Variants in FXR1 observed in about 807,000 individuals in gnomAD.
FXR1 encodes FMR1 autosomal homolog 1.
A neutral mutation model predicts 84.0 loss-of-function variants in FXR1; 15 were observed. The observed-to-expected ratio is 0.18, with a 90% confidence interval of 0.12 to 0.27. The LOEUF is 0.27. Ranked by LOEUF, FXR1 falls within the 10% of genes least tolerant of loss-of-function variation. The pLI is 1.00. For missense variants in FXR1, 480 were observed against 774.4 expected, an observed-to-expected ratio of 0.62 and a Z score of 4.51; for synonymous variants, 245 against 250.7, an observed-to-expected ratio of 0.98 and a Z score of 0.21.
chr3:180,958,048 G>A, intron 10 of FXR1, 120 bp downstream of exon 10: 1 of 452,924 alleles, frequency 2.2e-6, no homozygotes, highest in African/African-American at 2.0e-5. Context: ...TTAAAATTAT[G>A]TTTTTATAAT....
At chr3:180,953,615 T>C in intron 8 of FXR1, 147 bp from the exon 9 acceptor site, 1 of 507,774 alleles carries the variant, frequency 2.0e-6, no homozygotes, top group Non-Finnish European at 3.5e-6. Flanking sequence ...TCACTTCACC[T>C]GAAATCTCTC....
chr3:180,976,517 T>C lies in FXR1; in HGVS notation c.*225T>C, dbSNP rs535875968. On this transcript the variant is annotated 3_prime_UTR_variant, in exon 17 of 17. Transcript: ENST00000357559. The stretch of plus-strand genomic sequence containing the variant: ...CATCAGATGTGCCTTGAGAATAGTA[T>C]ATGTAACATTAAAAAAAAGTTGCTG... The C allele has an allele frequency of 3.5e-6, 1 of 288,836 alleles. No homozygotes were observed. Among genetic ancestry groups the C allele is most frequent in the Non-Finnish European group, 6.4e-6 (1 of 155,638 alleles). 17.9% of individuals were successfully genotyped at this position (288,836 alleles called of 1,614,324 possible). A position where few individuals can be genotyped will look rare whatever the true frequency, so the allele number is the denominator to read the frequency against.
intron 1 of FXR1, among the ~76,000 whole-genome samples, chr3:180,917,896 G>A (rs1012472207): frequency 6.4e-5 from 9 of 140,210 alleles, no homozygotes; most frequent in African/African-American, 1.9e-4. Flanking sequence ...GCAGTGAGCC[G>A]AGATCATGCC....
In FXR1 at chr3:180,963,092, TA is replaced by T. The variant is rs371989214; in HGVS notation, c.1198+11del. 850 of 1,352,332 alleles carry T rather than the reference TA, an allele frequency of 6.3e-4. No individual in the cohort carries two copies. Among genetic ancestry groups the T allele is most frequent in the Non-Finnish European group, 7.5e-4 (729 of 972,524 alleles). 83.8% of individuals were successfully genotyped at this position (1,352,332 alleles called of 1,614,324 possible). ...GACCTAATTACACCTCCGGTTATGG[TA>T]AAAAAAAATTTTTTTTTTTTTTTTT... is the stretch of plus-strand genomic sequence containing the variant. On this transcript the variant is annotated splice_donor_region_variant and intron_variant, in intron 13 of 16. Coordinates refer to ENST00000357559, the MANE Select transcript of FXR1 (RefSeq NM_005087.4).
In FXR1 at chr3:180,979,829, A is replaced by T. The variant is rs1047289700; in HGVS notation, c.*3537A>T. ...TGGTTCAGTCTAATTACAAATTTTT[A>T]AAAAGTTTATCAGTGTATCATTTCA... is the stretch of plus-strand genomic sequence containing the variant. On this transcript the variant is annotated 3_prime_UTR_variant, in exon 17 of 17. Coordinates refer to ENST00000357559, the MANE Select transcript of FXR1 (RefSeq NM_005087.4). 6.6e-5 allele frequency: 10 copies of T among 152,086 alleles called. No homozygotes were observed. The highest frequency in any genetic ancestry group is 1.9e-4 in the African/African-American group (8 of 41,434). 9.4% of individuals were successfully genotyped at this position (152,086 alleles called of 1,614,324 possible).
chr3:180,923,745 A>G (rs1041724688), intron 1 of FXR1, among the ~76,000 whole-genome samples: 1 of 151,902 alleles, frequency 6.6e-6, no homozygotes, highest in Non-Finnish European at 1.5e-5. Context: ...GCAAATAGAG[A>G]AATTGTTGTT....
chr3:180,955,674 T>C (rs1722677237), intron 9 of FXR1, among the ~76,000 whole-genome samples: 1 of 152,206 alleles, frequency 6.6e-6, no homozygotes, highest in Admixed American at 6.5e-5. Context: ...GTAAAAATGA[T>C]TTGGCAGTGG....
chr3:180,916,241 C>T (rs980252461), intron 1 of FXR1, among the ~76,000 whole-genome samples: 1 of 152,104 alleles, frequency 6.6e-6, no homozygotes, highest in Admixed American at 6.6e-5. Flanking sequence ...GTTGTGTAAC[C>T]ACCGCCACAG....
intron 3 of FXR1, 43 bp downstream of exon 3, chr3:180,935,274 T>C (rs776517751): frequency 3.6e-6 from 3 of 842,230 alleles, no homozygotes; most frequent in East Asian, 2.5e-5. Flanking sequence ...ATTTTTTTGA[T>C]TTAAATAAAT....
chr3:180,923,882 C>T (rs868756992), intron 1 of FXR1, among the ~76,000 whole-genome samples: 2 of 152,072 alleles, frequency 1.3e-5, no homozygotes, highest in Non-Finnish European at 2.9e-5. Context: ...CCTCAGGCAT[C>T]CTTCTTGAGA....
chr3:180,947,473 A>C (rs1468259528), intron 3 of FXR1, among the ~76,000 whole-genome samples: 3 of 152,240 alleles, frequency 2.0e-5, no homozygotes, highest in Non-Finnish European at 4.4e-5. Context: ...TCTAAATGTC[A>C]TATCCTCGAT....
chr3:180,959,615 C>G (rs1711828487), intron 10 of FXR1, among the ~76,000 whole-genome samples: 2 of 151,918 alleles, frequency 1.3e-5, no homozygotes. Flanking sequence ...AGGCTATGTG[C>G]TTAAGATTTT....
chr3:180,938,612 G>A (rs1008578346), intron 3 of FXR1, among the ~76,000 whole-genome samples: 3 of 152,002 alleles, frequency 2.0e-5, no homozygotes, highest in East Asian at 1.9e-4. Flanking sequence ...GCAATGGTGC[G>A]ATCTCGGCTC....
intron 1 of FXR1, among the ~76,000 whole-genome samples, chr3:180,921,774 A>T (rs1049642825): frequency 5.3e-5 from 8 of 152,222 alleles, no homozygotes; most frequent in African/African-American, 1.9e-4. Context: ...GTTTACATAG[A>T]CACGTGTATA....
At chr3:180,964,703 T>C (rs1712595548) in intron 13 of FXR1, among the ~76,000 whole-genome samples, 1 of 132,918 alleles carries the variant, frequency 7.5e-6, no homozygotes, top group Admixed American at 7.2e-5. Context: ...ATATATATAA[T>C]GAGTACTGTA....
Position 180,963,014 on chromosome 3 carries a change from C to A in FXR1, c.1136-14C>A. 6.2e-7 allele frequency: 1 copy of A among 1,607,034 alleles called. No homozygotes were observed. Among genetic ancestry groups the A allele is most frequent in the Non-Finnish European group, 8.5e-7 (1 of 1,173,770 alleles). ...GATATGCCACTGATGAAAGTACCGT[C>A]TCTTCTGTACAAGGTTCTAGGTCTT... On this transcript the variant is annotated splice_polypyrimidine_tract_variant and intron_variant, in intron 12 of 16. Coordinates refer to ENST00000357559, the MANE Select transcript of FXR1 (RefSeq NM_005087.4).
At chr3:180,957,615 A>G (rs1711524772) in intron 9 of FXR1, 2 of 463,044 alleles carry the variant, frequency 4.3e-6, no homozygotes, top group Non-Finnish European at 7.8e-6. Flanking sequence ...TAGTAACCTT[A>G]GGCGTGCTGA....
chr3:180,963,226 T>C, intron 13 of FXR1, 136 bp downstream of exon 13: 2 of 588,870 alleles, frequency 3.4e-6, no homozygotes, highest in Non-Finnish European at 3.0e-6. Flanking sequence ...TTCTGAAGGT[T>C]TAGTACACGT....
At position 180,948,223 on chromosome 3, in the gene FXR1, C is replaced by G. The variant is rs934580959; in HGVS notation, c.271-124C>G. On this transcript the variant is annotated intron_variant, in intron 4 of 16. Transcript: ENST00000357559. ...ATCAGATTGATGTAGCTAAGCTGTG[C>G]TTAGTATTTTATGCCACATGGGGGA... 5.8e-6 allele frequency: 4 copies of G among 686,656 alleles called. No individual in the cohort carries two copies. In the African/African-American group the frequency reaches 7.2e-5, roughly 12 times the overall value. 42.5% of individuals were successfully genotyped at this position (686,656 alleles called of 1,614,324 possible). A position where few individuals can be genotyped will look rare whatever the true frequency, so the allele number is the denominator to read the frequency against.
Sources: allele counts gnomAD v4.1 joint callset (sites outside exome capture counted in the v4.1 genomes callset), GRCh38; gene constraint gnomAD v4.1.1; transcripts MANE v1.5; gene names NCBI Gene and HGNC (gene_info 2026-07-23, HGNC 2026-07-21).